Variants in OPCML observed in about 807,000 individuals in gnomAD.
OPCML encodes opioid binding protein/cell adhesion molecule like, also known as opioid-binding protein/cell adhesion molecule.
A neutral mutation model predicts 37.8 loss-of-function variants in OPCML; 13 were observed. The ratio of observed to expected loss-of-function variants is 0.34; its 90% CI spans 0.22 to 0.55. OPCML has a LOEUF of 0.55. OPCML is among the 20% of genes least tolerant of loss of function. The probability of loss-of-function intolerance (pLI) is 0.91; values close to 1 mark genes in which losing one functional copy is unlikely to be tolerated. For synonymous variants in OPCML, 176 were observed against 168.8 expected, an observed-to-expected ratio of 1.04 and a Z score of -0.33; for missense variants, 341 against 435.6, an observed-to-expected ratio of 0.78 and a Z score of 1.93.
chr11:132,909,065 G>A (rs939632692), intron 2 of OPCML, among the ~76,000 whole-genome samples: 4 of 152,194 alleles, frequency 2.6e-5, no homozygotes, highest in Non-Finnish European at 5.9e-5. Flanking sequence ...GCATCAGTGC[G>A]GGATGCCCAC....
chr11:133,287,275 C>CT (rs760838065), intron 1 of OPCML, among the ~76,000 whole-genome samples: 1,532 of 120,994 alleles, frequency 0.013, 31 homozygotes, highest in African/African-American at 0.039. Flanking sequence ...TTCTTTCTTT[C>CT]TTTTTTTTTT....
intron 2 of OPCML, among the ~76,000 whole-genome samples, chr11:132,862,043 T>G (rs1250271385): frequency 6.6e-6 from 1 of 152,144 alleles, no homozygotes; most frequent in South Asian, 2.1e-4. Flanking sequence ...TCAATTTGCA[T>G]GTTTACCAGC....
At chr11:133,084,379 A>G (rs1239902864) in intron 1 of OPCML, among the ~76,000 whole-genome samples, 9 of 152,200 alleles carry the variant, frequency 5.9e-5, no homozygotes, top group Non-Finnish European at 1.3e-4. Flanking sequence ...ATGAAGGTCA[A>G]TTTTCAAATT....
At chr11:133,275,500 T>G (rs917318492) in intron 1 of OPCML, among the ~76,000 whole-genome samples, 1 of 152,146 alleles carries the variant, frequency 6.6e-6, no homozygotes, top group Non-Finnish European at 1.5e-5. Context: ...CTCACAGGCG[T>G]GGGACTTCAT....
chr11:132,988,897 AAAAATGGGC>A lies in OPCML; in HGVS notation c.62-45896_62-45888del, dbSNP rs1363975717. Reference sequence around the variant, plus strand: ...TGAGAAGTGCACAGCAACACAGTCAAAAAATGGGCAAAATAAATGAACAAGCATAGCAGG... The same window carrying A: ...TGAGAAGTGCACAGCAACACAGTCAAAAAATAAATGAACAAGCATAGCAGG... On this transcript the variant is annotated intron_variant, in intron 1 of 7. Transcript: ENST00000524381. Among the ~76,000 whole-genome samples the A allele has an allele frequency of 3.3e-5, 5 of 152,326 alleles. No individual in the cohort carries two copies. The East Asian group carries it at 9.7e-4, about 29-fold the overall frequency.
At chr11:132,921,598 G>C (rs953721180) in intron 2 of OPCML, among the ~76,000 whole-genome samples, 1 of 152,192 alleles carries the variant, frequency 6.6e-6, no homozygotes, top group Non-Finnish European at 1.5e-5. Context: ...CAGGACCCTA[G>C]CTCCTCCAGC....
At chr11:132,847,049 G>A (rs757039818) in intron 2 of OPCML, among the ~76,000 whole-genome samples, 4 of 152,126 alleles carry the variant, frequency 2.6e-5, no homozygotes, top group Non-Finnish European at 5.9e-5. Flanking sequence ...TGTCTAATGG[G>A]CAATAGATAA....
At chr11:132,973,507 A>G (rs138248428) in intron 1 of OPCML, among the ~76,000 whole-genome samples, 1 of 152,236 alleles carries the variant, frequency 6.6e-6, no homozygotes, top group Admixed American at 6.5e-5. Flanking sequence ...AATTGCTCCA[A>G]CACCTTAGAC....
intron 3 of OPCML, among the ~76,000 whole-genome samples, chr11:132,599,378 GGAGGAAGAAGGAGGAAGA>G (rs1937679546): frequency 2.2e-5 from 2 of 91,294 alleles, no homozygotes; most frequent in Non-Finnish European, 2.0e-5. Flanking sequence ...GGAGGAAGAA[GGAGGAAGAAGGAGGAAGA>G]AGGAGGAAGA....
chr11:133,136,526 T>A (rs1949692979), intron 1 of OPCML, among the ~76,000 whole-genome samples: 1 of 151,944 alleles, frequency 6.6e-6, no homozygotes, highest in Non-Finnish European at 1.5e-5. Context: ...ACACTAAAAA[T>A]AGAGCTGCTT....
chr11:133,057,191 T>G (rs1180314471), intron 1 of OPCML, among the ~76,000 whole-genome samples: 1 of 152,194 alleles, frequency 6.6e-6, no homozygotes, highest in Non-Finnish European at 1.5e-5. Context: ...TTGACCAGGG[T>G]TCTGTTCCTT....
chr11:132,743,067 G>A (rs554810711), intron 2 of OPCML, among the ~76,000 whole-genome samples: 2 of 152,160 alleles, frequency 1.3e-5, no homozygotes, highest in South Asian at 4.2e-4. Context: ...CTATGTGACT[G>A]ATCAGATGAT....
chr11:133,145,152 A>T (rs1204641875), intron 1 of OPCML, among the ~76,000 whole-genome samples: 1 of 152,332 alleles, frequency 6.6e-6, no homozygotes, highest in East Asian at 1.9e-4. Context: ...GGGGATAAAG[A>T]GATAAAGTTG....
At chr11:133,528,359 G>A (rs80075863) in intron 1 of OPCML, among the ~76,000 whole-genome samples, 159 of 152,354 alleles carry the variant, frequency 1.0e-3, no homozygotes, top group East Asian at 3.3e-3. Context: ...GCTAAAGGAC[G>A]ATGGGAACTT....
chr11:132,498,613 T>A (rs570472570), intron 4 of OPCML, among the ~76,000 whole-genome samples: 1 of 152,286 alleles, frequency 6.6e-6, no homozygotes, highest in African/African-American at 2.4e-5. Context: ...ACAGAGGAAG[T>A]TTGAATTTTC....
intron 1 of OPCML, among the ~76,000 whole-genome samples, chr11:133,456,886 G>A (rs2136969788): frequency 6.6e-6 from 1 of 152,184 alleles, no homozygotes; most frequent in South Asian, 2.1e-4. Context: ...GCTGCATCAA[G>A]TGGACAAAAT....
intron 2 of OPCML, among the ~76,000 whole-genome samples, chr11:132,679,068 A>G (rs1942829900): frequency 1.3e-5 from 2 of 152,196 alleles, no homozygotes; most frequent in African/African-American, 2.4e-5. Context: ...ATATTAAAAT[A>G]TTTGACAATA....
chr11:132,932,932 T>G (rs1181303007), intron 2 of OPCML, among the ~76,000 whole-genome samples: 1 of 151,960 alleles, frequency 6.6e-6, no homozygotes, highest in Non-Finnish European at 1.5e-5. Flanking sequence ...ATACAGCCAT[T>G]AAGTACCAGA....
intron 1 of OPCML, among the ~76,000 whole-genome samples, chr11:133,120,139 C>T (rs916139740): frequency 2.0e-5 from 3 of 152,078 alleles, no homozygotes; most frequent in African/African-American, 7.2e-5. Flanking sequence ...GCCTCTGGGT[C>T]CCCAGAGAAT....
Sources: allele counts gnomAD v4.1 joint callset (sites outside exome capture counted in the v4.1 genomes callset), GRCh38; gene constraint gnomAD v4.1.1; transcripts MANE v1.5; gene names NCBI Gene and HGNC (gene_info 2026-07-23, HGNC 2026-07-21).